CSMD1: variants seen among roughly 807,000 people sequenced by gnomAD.
CSMD1 encodes the protein CUB and Sushi multiple domains 1.
In CSMD1, 213 loss-of-function variants were observed where a neutral mutation model predicts 417.5. The observed-to-expected ratio is 0.51, with a 90% CI of 0.46 to 0.57. The LOEUF (loss-of-function observed/expected upper bound fraction) is 0.57. Among genes scored for constraint, CSMD1 ranks in the 20% least tolerant of loss-of-function variants. The probability of loss-of-function intolerance (pLI) is 0.00; values close to 1 mark genes in which losing one functional copy is unlikely to be tolerated. For synonymous variants in CSMD1, 2,862 were observed against 1,736.8 expected, an observed-to-expected ratio of 1.65 and a Z score of -16.11; for missense variants, 6,923 against 4,529.7, an observed-to-expected ratio of 1.53 and a Z score of -15.17.
At chr8:3,788,019 TC>T (rs903487027) in intron 5 of CSMD1, among the ~76,000 whole-genome samples, 1 of 152,142 alleles carries the variant, frequency 6.6e-6, no homozygotes, top group African/African-American at 2.4e-5. Context: ...AAAAGAGGTG[TC>T]TTTGGCTAGA....
intron 8 of CSMD1, among the ~76,000 whole-genome samples, chr8:3,606,750 C>A (rs950243277): frequency 2.0e-5 from 3 of 150,478 alleles, no homozygotes; most frequent in African/African-American, 4.9e-5. Flanking sequence ...CTCACTGGGT[C>A]CCCAGGCTGG....
At chr8:3,353,339 G>A (rs1228258063) in intron 21 of CSMD1, among the ~76,000 whole-genome samples, 1 of 152,192 alleles carries the variant, frequency 6.6e-6, no homozygotes, top group African/African-American at 2.4e-5. Context: ...TCTTGCGGAA[G>A]CTTCTTATCT....
intron 12 of CSMD1, among the ~76,000 whole-genome samples, chr8:3,433,046 G>T (rs945848288): frequency 6.6e-6 from 1 of 152,146 alleles, no homozygotes; most frequent in African/African-American, 2.4e-5. Flanking sequence ...AAATTTACTT[G>T]AAAACTGTGT....
chr8:3,894,853 A>G (rs1475604662), intron 5 of CSMD1, among the ~76,000 whole-genome samples: 2 of 152,200 alleles, frequency 1.3e-5, no homozygotes, highest in African/African-American at 4.8e-5. Flanking sequence ...TCTATTCTAA[A>G]GGAACATTAT....
chr8:3,167,291 G>GAAAAGAAAAAAAAAA (rs547453018), intron 37 of CSMD1, among the ~76,000 whole-genome samples: 2 of 102,600 alleles, frequency 1.9e-5, no homozygotes, highest in African/African-American at 3.5e-5. Flanking sequence ...CTTGGAAAAA[G>GAAAAGAAAAAAAAAA]AAAAAAAAAA....
intron 5 of CSMD1, among the ~76,000 whole-genome samples, chr8:3,971,265 C>T (rs945128721): frequency 6.6e-6 from 1 of 152,188 alleles, no homozygotes. Flanking sequence ...TTAATCTCTG[C>T]ACTGTGATTT....
chr8:3,303,554 C>A (rs1484146931), intron 25 of CSMD1, among the ~76,000 whole-genome samples: 1 of 152,150 alleles, frequency 6.6e-6, no homozygotes, highest in Non-Finnish European at 1.5e-5. Flanking sequence ...CTACCAAATG[C>A]AATTTTCTGC....
intron 1 of CSMD1, among the ~76,000 whole-genome samples, chr8:4,648,843 C>T (rs1803702933): frequency 6.6e-6 from 1 of 152,076 alleles, no homozygotes; most frequent in African/African-American, 2.4e-5. Context: ...TATAGTTGGT[C>T]GGGAAGTATG....
intron 11 of CSMD1, among the ~76,000 whole-genome samples, chr8:3,478,732 G>A (rs546388178): frequency 3.9e-5 from 6 of 152,300 alleles, no homozygotes; most frequent in African/African-American, 1.4e-4. Flanking sequence ...TAAAATGGAT[G>A]TAAGAGCCAC....
At chr8:3,433,240 T>A (rs1814334609) in intron 12 of CSMD1, among the ~76,000 whole-genome samples, 1 of 152,202 alleles carries the variant, frequency 6.6e-6, no homozygotes, top group Non-Finnish European at 1.5e-5. Flanking sequence ...ATGTAGTTAC[T>A]TTTCTGTTTC....
chr8:4,637,204 C>G, intron 2 of CSMD1, 138 bp downstream of exon 2: 1 of 645,680 alleles, frequency 1.5e-6, no homozygotes. Context: ...TGGCTTCATT[C>G]TTGAAGTCAG....
intron 1 of CSMD1, among the ~76,000 whole-genome samples, chr8:4,685,137 A>G (rs927696914): frequency 6.6e-6 from 1 of 152,268 alleles, no homozygotes; most frequent in Non-Finnish European, 1.5e-5. Flanking sequence ...GGCAATGGAA[A>G]TAATCATTGT....
chr8:4,032,153 G>A (rs950647289), intron 3 of CSMD1, 54 bp from the exon 4 acceptor site: 2 of 1,379,588 alleles, frequency 1.4e-6, no homozygotes, highest in Non-Finnish European at 2.0e-6. Context: ...TCCATGGAGA[G>A]CCACTTATAA....
In CSMD1 at chr8:4,266,017, G is replaced by C. The variant is rs1366768247; in HGVS notation, c.415+153936C>G. On this transcript the variant is annotated intron_variant, in intron 3 of 69. Coordinates refer to ENST00000635120, the MANE Select transcript of CSMD1 (RefSeq NM_033225.6). ...TGGGCTGTGTAAGTCATCCCAAACC[G>C]GCCCACCGCACTCAGGCTCGCCCGG... Among the ~76,000 whole-genome samples, 5 of 103,346 alleles carry C rather than the reference G, an allele frequency of 4.8e-5. 1 individual carries two copies. Among genetic ancestry groups the C allele is most frequent in the Non-Finnish European group, 1.3e-4 (5 of 38,526 alleles). The allele number at this position is 103,346 out of a possible 152,430, so 67.8% of individuals were successfully genotyped here. A position where few individuals can be genotyped will look rare whatever the true frequency, so the allele number is the denominator to read the frequency against.
intron 10 of CSMD1, among the ~76,000 whole-genome samples, chr8:3,528,344 G>C (rs886902149): frequency 1.3e-5 from 2 of 152,146 alleles, no homozygotes; most frequent in African/African-American, 4.8e-5. Flanking sequence ...TTATACCAAA[G>C]GAAAGGTGAC....
At chr8:3,586,716 A>C (rs767587806) in intron 8 of CSMD1, among the ~76,000 whole-genome samples, 2 of 152,186 alleles carry the variant, frequency 1.3e-5, no homozygotes, top group Non-Finnish European at 2.9e-5. Flanking sequence ...TTTTGCTATC[A>C]CACATGTTAA....
intron 5 of CSMD1, among the ~76,000 whole-genome samples, chr8:3,809,845 T>C (rs1800965213): frequency 1.3e-5 from 2 of 152,172 alleles, no homozygotes; most frequent in African/African-American, 2.4e-5. Flanking sequence ...TGCAGACCTC[T>C]AGAAAAACTG....
At chr8:3,255,169 A>T (rs1343028011) in intron 26 of CSMD1, among the ~76,000 whole-genome samples, 1 of 152,180 alleles carries the variant, frequency 6.6e-6, no homozygotes, top group Non-Finnish European at 1.5e-5. Context: ...TCAGTAGCAG[A>T]GGCTGCAGAG....
intron 49 of CSMD1, among the ~76,000 whole-genome samples, chr8:3,081,739 T>G (rs540681938): frequency 5.0e-4 from 76 of 152,344 alleles, no homozygotes; most frequent in African/African-American, 1.8e-3. Context: ...TTTCTTTAAT[T>G]ACAATTTTAT....
Sources: gnomAD v4.1 joint callset for allele counts (sites outside exome capture counted in the v4.1 genomes callset) on GRCh38, gnomAD v4.1.1 for gene constraint, MANE v1.5 for transcripts, NCBI Gene and HGNC (gene_info 2026-07-23, HGNC 2026-07-21) for gene names.